SORL1: variants seen among roughly 807,000 people sequenced by gnomAD.
SORL1 encodes sortilin-related receptor.
A neutral mutation model predicts 273.7 loss-of-function variants in SORL1; 127 were observed. The ratio of observed to expected loss-of-function variants is 0.46; its 90% confidence interval spans 0.40 to 0.54. The LOEUF (loss-of-function observed/expected upper bound fraction) is 0.54. Ranked by LOEUF, SORL1 falls within the 20% of genes least tolerant of loss-of-function variation. The pLI is 0.00. For synonymous variants in SORL1, 1,031 were observed against 1,067.4 expected (o/e 0.97, Z 0.66); for missense variants, 2,494 against 2,846.1 (o/e 0.88, Z 2.81).
Position 121,604,203 on chromosome 11 carries a change from C to T in SORL1, c.4530C>T (p.Ser1510=), listed in dbSNP as rs1303064998. 1 of 1,614,102 alleles carries T rather than the reference C, an allele frequency of 6.2e-7. No individual in the cohort carries two copies. The highest frequency in any genetic ancestry group is 2.2e-5 in the East Asian group (1 of 44,892). Residue 1510 remains serine (S), a synonymous_variant, in exon 33 of 48, where the codon AGC becomes AGT. Coordinates refer to ENST00000260197, the MANE Select transcript of SORL1 (RefSeq NM_003105.6). ...CTCTCTGTGTTTCAGCCACACACAG[C>T]ACCTTGACTTGCATGAGCAGGGAGT... ...GRDEANCPTH[S]TLTCMSREFQ...
chr11:121,471,023 T>C (rs1414138571), intron 2 of SORL1, among the ~76,000 whole-genome samples: 16 of 152,218 alleles, frequency 1.1e-4, no homozygotes. Context: ...GAAATATGGT[T>C]TCTCCCATTT....
At position 121,452,717 on chromosome 11, in the gene SORL1, C is replaced by A; in HGVS notation, c.285+101C>A. On this transcript the variant is annotated intron_variant, in intron 1 of 47. Transcript: ENST00000260197. The surrounding 1 kb of genome is among the most constrained non-coding windows in gnomAD (Gnocchi z 5.3). ...GCAGTCGCCTCCTAGGTGCAGGCAC[C>A]ACTGGGGACTTCCCGGCTTGCATTT... 9.5e-7 allele frequency: 1 copy of A among 1,048,706 alleles called. No homozygotes were observed. The highest frequency in any genetic ancestry group is 1.3e-6 in the Non-Finnish European group (1 of 782,464). The allele number at this position is 1,048,706 out of a possible 1,614,324, so 65.0% of individuals were successfully genotyped here.
rs1287687299 is a variant in SORL1, at chr11:121,604,214, GCAT to G, written c.4542_4544del (p.Cys1514_Met1515delinsTrp). 6.2e-7 allele frequency: 1 copy of G among 1,614,118 alleles called. No individual in the cohort carries two copies. On this transcript the variant is annotated inframe_deletion, in exon 33 of 48. Transcript: ENST00000260197. ...TCAGCCACACACAGCACCTTGACTT[GCAT>G]GAGCAGGGAGTTCCAGTGCGAGGAC...
At position 121,476,535 on chromosome 11, in the gene SORL1, C is replaced by T. The variant is rs191094647; in HGVS notation, c.403-1583C>T. ...GCAGACATTTACATGTTTACATGCC[C>T]ATCGTGTCTAAAGACTATGTCTTTT... is the stretch of plus-strand genomic sequence containing the variant. On this transcript the variant is annotated intron_variant, in intron 2 of 47. Coordinates refer to ENST00000260197, the MANE Select transcript of SORL1 (RefSeq NM_003105.6). 1.3e-3 allele frequency among the ~76,000 whole-genome samples: 202 copies of T among 152,300 alleles called. 2 individuals are homozygous for T. Among genetic ancestry groups the T allele is most frequent in the African/African-American group, 4.6e-3 (190 of 41,566 alleles).
At chr11:121,523,343 T>C (rs1001633417) in intron 11 of SORL1, among the ~76,000 whole-genome samples, 1 of 152,174 alleles carries the variant, frequency 6.6e-6, no homozygotes, top group Non-Finnish European at 1.5e-5. Context: ...CAGCAAATTA[T>C]AGCGTAGTGG....
chr11:121,541,186 C>T (rs1277516271), intron 12 of SORL1, among the ~76,000 whole-genome samples: 1 of 150,724 alleles, frequency 6.6e-6, no homozygotes, highest in Non-Finnish European at 1.5e-5. Flanking sequence ...TAACCCCTAG[C>T]CTTTTTGTAG....
intron 21 of SORL1, among the ~76,000 whole-genome samples, chr11:121,564,443 C>G (rs961657652): frequency 3.9e-5 from 6 of 152,178 alleles, no homozygotes; most frequent in African/African-American, 1.2e-4. Flanking sequence ...GTTCTCTACT[C>G]TTAGCTCTTC....
chr11:121,569,481 G>A (rs921013384), intron 22 of SORL1, among the ~76,000 whole-genome samples: 9 of 152,190 alleles, frequency 5.9e-5, no homozygotes, highest in South Asian at 2.1e-4. Context: ...AAGAGAATGC[G>A]TCCCTGAGGG....
At chr11:121,455,284 C>T (rs1860884930) in intron 1 of SORL1, among the ~76,000 whole-genome samples, 1 of 152,136 alleles carries the variant, frequency 6.6e-6, no homozygotes, top group African/African-American at 2.4e-5. Flanking sequence ...ACATGCAGCG[C>T]ATGGGAGATG....
At chr11:121,483,318 C>T (rs1861423792) in intron 3 of SORL1, among the ~76,000 whole-genome samples, 1 of 152,208 alleles carries the variant, frequency 6.6e-6, no homozygotes, top group Admixed American at 6.5e-5. Flanking sequence ...AGAAGCAAGA[C>T]CCAGTCCTGC....
At chr11:121,587,933 T>C (rs1863143222) in intron 27 of SORL1, 87 bp from the exon 28 acceptor site, 1 of 1,524,252 alleles carries the variant, frequency 6.6e-7, no homozygotes, top group Admixed American at 1.8e-5. Context: ...TGAAGCCACA[T>C]CTGTACTCGT....
intron 12 of SORL1, among the ~76,000 whole-genome samples, chr11:121,533,868 T>C (rs1862234492): frequency 6.6e-6 from 1 of 152,212 alleles, no homozygotes; most frequent in African/African-American, 2.4e-5. Flanking sequence ...GCTATTTCTT[T>C]AGAGGTGATA....
chr11:121,569,666 G>A (rs1195507491), intron 22 of SORL1, among the ~76,000 whole-genome samples: 1 of 152,168 alleles, frequency 6.6e-6, no homozygotes, highest in Non-Finnish European at 1.5e-5. Flanking sequence ...CTCCTGATAA[G>A]ATGTTATCAG....
At chr11:121,488,224 G>T (rs374053083) in intron 4 of SORL1, 31 bp downstream of exon 4, 1 of 1,608,216 alleles carries the variant, frequency 6.2e-7, no homozygotes, top group Non-Finnish European at 8.5e-7. Context: ...CAGTTGCATG[G>T]GGCTCCTCTA....
At chr11:121,536,236 TG>T (rs1337545725) in intron 12 of SORL1, among the ~76,000 whole-genome samples, 1 of 152,138 alleles carries the variant, frequency 6.6e-6, no homozygotes, top group Non-Finnish European at 1.5e-5. Context: ...GCAGAGCAGC[TG>T]TCTTTTCTGG....
intron 24 of SORL1, among the ~76,000 whole-genome samples, chr11:121,574,934 C>T (rs1178940306): frequency 6.6e-6 from 1 of 152,064 alleles, no homozygotes; most frequent in Non-Finnish European, 1.5e-5. Flanking sequence ...CACAAATCTG[C>T]ACCTCTGTGA....
rs373851244 is a variant in SORL1, at chr11:121,605,764, G to A, written c.4948+193G>A. Among the ~76,000 whole-genome samples, 5 of 152,150 alleles carry A rather than the reference G, an allele frequency of 3.3e-5. No individual in the cohort carries two copies. The South Asian group carries it at 6.2e-4, about 19-fold the overall frequency. ...TCTTACTGCATCAGAGACTGTTCTT[G>A]TACCTTAAGTTAATTTAAGATTCTC... On this transcript the variant is annotated intron_variant, in intron 35 of 47. Coordinates refer to ENST00000260197, the MANE Select transcript of SORL1 (RefSeq NM_003105.6).
intron 21 of SORL1, among the ~76,000 whole-genome samples, chr11:121,561,161 T>C (rs554651731): frequency 6.6e-6 from 1 of 152,262 alleles, no homozygotes; most frequent in Non-Finnish European, 1.5e-5. Context: ...TCTTCATTTT[T>C]ACAAGTGCTT....
chr11:121,578,849 C>T (rs1305536753), intron 25 of SORL1, among the ~76,000 whole-genome samples: 1 of 152,180 alleles, frequency 6.6e-6, no homozygotes, highest in Non-Finnish European at 1.5e-5. Flanking sequence ...GAAAAGACTG[C>T]AGGAAAATGC....
Sources: allele counts gnomAD v4.1 joint callset (sites outside exome capture counted in the v4.1 genomes callset), GRCh38; gene constraint gnomAD v4.1.1; non-coding constraint Gnocchi (gnomAD v3.1); transcripts MANE v1.5; gene names NCBI Gene and HGNC (gene_info 2026-07-23, HGNC 2026-07-21).